Variants in ESRRB observed in about 807,000 individuals in gnomAD.
The protein encoded by ESRRB is estrogen related receptor beta.
A neutral mutation model predicts 46.0 loss-of-function variants in ESRRB; 16 were observed. That is an observed-to-expected ratio of 0.35 (90% confidence interval 0.24 to 0.53). ESRRB has a LOEUF of 0.53. Ranked by LOEUF, ESRRB falls within the 20% of genes least tolerant of loss-of-function variation. ESRRB has a pLI of 0.93. For missense variants in ESRRB, 488 were observed against 607.4 expected (o/e 0.80, Z 2.07); for synonymous variants, 246 against 259.6 (o/e 0.95, Z 0.50).
chr14:76,332,932 T>A (rs1884054911), intron 1 of ESRRB, among the ~76,000 whole-genome samples: 1 of 48,788 alleles, frequency 2.0e-5, no homozygotes. Context: ...ATTTATATAT[T>A]ATATACTTAT....
At chr14:76,404,191 T>C (rs1034062522) in intron 1 of ESRRB, among the ~76,000 whole-genome samples, 11 of 152,124 alleles carry the variant, frequency 7.2e-5, no homozygotes, top group South Asian at 2.1e-4. Context: ...TGTGTGTGTG[T>C]GCGCGCGTGC....
chr14:76,446,586 A>G (rs1888158679), intron 2 of ESRRB, among the ~76,000 whole-genome samples: 1 of 152,228 alleles, frequency 6.6e-6, no homozygotes, highest in African/African-American at 2.4e-5. Context: ...GAGGCATAGA[A>G]AAAACAGACA....
chr14:76,323,755 T>C (rs1332757789), intron 1 of ESRRB, among the ~76,000 whole-genome samples: 1 of 152,216 alleles, frequency 6.6e-6, no homozygotes, highest in African/African-American at 2.4e-5. Flanking sequence ...GCGTGGGATC[T>C]GTCAACTTCC....
intron 1 of ESRRB, among the ~76,000 whole-genome samples, chr14:76,360,978 C>A (rs530164204): frequency 2.0e-5 from 3 of 152,196 alleles, no homozygotes; most frequent in Non-Finnish European, 2.9e-5. Context: ...TCAGGCAGGG[C>A]TTTGAAATGG....
At chr14:76,328,070 C>T (rs909675483) in intron 1 of ESRRB, among the ~76,000 whole-genome samples, 7 of 152,128 alleles carry the variant, frequency 4.6e-5, no homozygotes, top group African/African-American at 1.7e-4. Context: ...CTTTGTGGAA[C>T]TATGAGATCA....
At chr14:76,331,369 TA>T (rs1884011369) in intron 1 of ESRRB, among the ~76,000 whole-genome samples, 2 of 152,130 alleles carry the variant, frequency 1.3e-5, no homozygotes, top group African/African-American at 4.8e-5. Flanking sequence ...TCCTCATCTG[TA>T]AAATGGGGAT....
At position 76,474,816 on chromosome 14, in the gene ESRRB, CAAACAAAACAAAACA is replaced by C. The variant is rs138037395; in HGVS notation, c.578-7177_578-7163del. On this transcript the variant is annotated intron_variant, in intron 3 of 6. Coordinates refer to ENST00000644823, the MANE Select transcript of ESRRB (RefSeq NM_001379180.1). ...TGGGTGACAAACTGCGACCCTGTCT[CAAACAAAACAAAACA>C]AAACAAAACAAAACAAAACAAACCA... Among the ~76,000 whole-genome samples the C allele has an allele frequency of 5.5e-3, 816 of 149,436 alleles. 8 individuals carry two copies. Among genetic ancestry groups the C allele is most frequent in the African/African-American group, 0.019 (780 of 40,568 alleles).
intron 1 of ESRRB, among the ~76,000 whole-genome samples, chr14:76,427,335 C>CTGTG (rs34441473): frequency 2.0e-3 from 300 of 148,990 alleles, no homozygotes; most frequent in Middle Eastern, 3.4e-3. Flanking sequence ...TCTGCAGGAG[C>CTGTG]TGTGTGTGTG....
At chr14:76,393,967 ATTTTTTT>A (rs71122531) in intron 1 of ESRRB, among the ~76,000 whole-genome samples, 2 of 126,964 alleles carry the variant, frequency 1.6e-5, no homozygotes, top group Admixed American at 8.2e-5. Flanking sequence ...TGCCTGGCTA[ATTTTTTT>A]TTTTTTTTTT....
intron 3 of ESRRB, among the ~76,000 whole-genome samples, chr14:76,473,452 G>A (rs1461765541): frequency 6.6e-6 from 1 of 152,214 alleles, no homozygotes; most frequent in African/African-American, 2.4e-5. Flanking sequence ...CCTTTCCCTC[G>A]CCTGCCCTGT....
intron 1 of ESRRB, among the ~76,000 whole-genome samples, chr14:76,421,002 G>A (rs941280801): frequency 3.0e-4 from 46 of 152,120 alleles, no homozygotes; most frequent in Non-Finnish European, 1.5e-4. Flanking sequence ...GCACTCACCC[G>A]TCACCCTCTG....
chr14:76,329,876 G>A (rs1244540235), intron 1 of ESRRB, among the ~76,000 whole-genome samples: 22 of 152,078 alleles, frequency 1.4e-4, no homozygotes, highest in Admixed American at 1.4e-3. Flanking sequence ...GATGTGCGGG[G>A]GGGATAATTG....
At chr14:76,327,355 G>A (rs1883943299) in intron 1 of ESRRB, among the ~76,000 whole-genome samples, 1 of 152,162 alleles carries the variant, frequency 6.6e-6, no homozygotes, top group African/African-American at 2.4e-5. Flanking sequence ...TGAGTCCAAG[G>A]GGAAAATTGG....
intron 1 of ESRRB, among the ~76,000 whole-genome samples, chr14:76,320,011 T>C (rs573695063): frequency 1.3e-5 from 2 of 152,144 alleles, no homozygotes; most frequent in East Asian, 3.9e-4. Context: ...CAGGAGAAAA[T>C]GGATATATGC....
At chr14:76,413,660 A>G (rs182248202) in intron 1 of ESRRB, among the ~76,000 whole-genome samples, 1 of 152,234 alleles carries the variant, frequency 6.6e-6, no homozygotes, top group Non-Finnish European at 1.5e-5. Flanking sequence ...GTCATTGATC[A>G]CTTATTTGTA....
At chr14:76,448,814 G>A (rs1888262517) in intron 2 of ESRRB, among the ~76,000 whole-genome samples, 1 of 152,114 alleles carries the variant, frequency 6.6e-6, no homozygotes, top group East Asian at 1.9e-4. Context: ...AGGGATCTAG[G>A]TAAAATAGTC....
chr14:76,487,510 T>G (rs1260389724), intron 5 of ESRRB, among the ~76,000 whole-genome samples: 1 of 152,198 alleles, frequency 6.6e-6, no homozygotes, highest in East Asian at 1.9e-4. Context: ...GTTACCTTTT[T>G]TTTTTTCTAT....
chr14:76,371,632 C>A (rs796197830), upstream of ESRRB: 20 of 152,390 alleles, frequency 1.3e-4, 1 homozygote, highest in African/African-American at 4.8e-4. Flanking sequence ...GGTATCATTC[C>A]CACCTGGAAG....
At chr14:76,322,725 T>C (rs8018576) in intron 1 of ESRRB, among the ~76,000 whole-genome samples, 52,370 of 152,008 alleles carry the variant, frequency 0.34, 9,047 homozygotes, top group East Asian at 0.38. Flanking sequence ...GCTTTCTCAT[T>C]GAGGGAGTGA....
Sources: gnomAD v4.1 joint callset for allele counts (sites outside exome capture counted in the v4.1 genomes callset) on GRCh38, gnomAD v4.1.1 for gene constraint, MANE v1.5 for transcripts, NCBI Gene and HGNC (gene_info 2026-07-23, HGNC 2026-07-21) for gene names.